The following TPP2 variants were observed in gnomAD, a reference collection of about 807,000 sequenced individuals.
The protein encoded by TPP2 is tripeptidyl peptidase 2.
A neutral mutation model predicts 155.9 loss-of-function variants in TPP2; 34 were observed. The ratio of observed to expected loss-of-function variants is 0.22; its 90% CI spans 0.17 to 0.29. The LOEUF (loss-of-function observed/expected upper bound fraction) is 0.29. TPP2 is among the 10% of genes least tolerant of loss of function. The pLI is 1.00. For missense variants in TPP2, 1,028 were observed against 1,522.3 expected, an observed-to-expected ratio of 0.68 and a Z score of 5.40; for synonymous variants, 510 against 529.4, an observed-to-expected ratio of 0.96 and a Z score of 0.50.
Position 102,649,021 on chromosome 13 carries a change from T to C in TPP2, c.2743T>C (p.Ser915Pro), listed in dbSNP as rs781324198. The C allele has an allele frequency of 4.3e-6, 7 of 1,613,948 alleles. No individual in the cohort carries two copies. In the South Asian group the frequency reaches 7.7e-5, roughly 18 times the overall value. The change falls in exon 22 of 30, where the codon TCT becomes CCT. Residue 915 changes from serine (S) to proline (P), a missense_variant. Coordinates refer to ENST00000376052, the MANE Select transcript of TPP2 (RefSeq NM_001330588.2). Reference protein sequence around the residue: ...DLPFIVSHRLSNTLSLDIHEN... With the variant: ...DLPFIVSHRLPNTLSLDIHEN... ...TCCATTTATTGTTTCTCATAGATTG[T>C]CTAATACCTTGAGCTTAGATATTCA... is the stretch of plus-strand genomic sequence containing the variant.
At chr13:102,652,519 A>T (rs1883588794) in intron 24 of TPP2, among the ~76,000 whole-genome samples, 1 of 147,606 alleles carries the variant, frequency 6.8e-6, no homozygotes, top group African/African-American at 2.5e-5. Flanking sequence ...CATTTTCATG[A>T]TTTCTTTTTA....
At chr13:102,678,154 AATTT>A (rs1201769809) in intron 29 of TPP2, 69 bp from the exon 30 acceptor site, 5 of 1,408,194 alleles carry the variant, frequency 3.6e-6, no homozygotes, top group Admixed American at 3.9e-5. Context: ...TTTAATACAG[AATTT>A]ATTCTAAATA....
intron 13 of TPP2, 50 bp from the exon 14 acceptor site, chr13:102,637,031 GA>G: frequency 1.3e-6 from 2 of 1,530,386 alleles, no homozygotes; most frequent in South Asian, 1.3e-5. Context: ...TTTTTAAATG[GA>G]AAAAAGGAAA....
intron 16 of TPP2, among the ~76,000 whole-genome samples, chr13:102,640,996 T>A (rs1011169464): frequency 4.6e-5 from 7 of 152,190 alleles, no homozygotes; most frequent in Non-Finnish European, 8.8e-5. Flanking sequence ...CAGCTGTTGC[T>A]TAAACCTCAA....
chr13:102,604,697 T>G, intron 1 of TPP2, 96 bp from the exon 2 acceptor site: 1 of 1,348,746 alleles, frequency 7.4e-7, no homozygotes, highest in Non-Finnish European at 1.0e-6. Context: ...TGAATGTAGA[T>G]TTTGTATATA....
At chr13:102,668,104 C>A (rs1247572575) in intron 27 of TPP2, among the ~76,000 whole-genome samples, 2 of 152,166 alleles carry the variant, frequency 1.3e-5, no homozygotes, top group Non-Finnish European at 2.9e-5. Flanking sequence ...CAGGAGTAGT[C>A]AAATTTGTCT....
chr13:102,663,782 G>T, intron 26 of TPP2, 38 bp downstream of exon 26: 3 of 1,468,848 alleles, frequency 2.0e-6, no homozygotes, highest in East Asian at 4.9e-5. Context: ...TATTTTGTTT[G>T]TAATTATATA....
At chr13:102,631,016 C>T (rs1025465089) in intron 10 of TPP2, among the ~76,000 whole-genome samples, 9 of 152,060 alleles carry the variant, frequency 5.9e-5, no homozygotes, top group African/African-American at 1.7e-4. Flanking sequence ...ATGGAGAAGA[C>T]GGTATTGAAG....
At chr13:102,610,768 A>G (rs1880242246) in intron 2 of TPP2, among the ~76,000 whole-genome samples, 1 of 152,204 alleles carries the variant, frequency 6.6e-6, no homozygotes, top group Admixed American at 6.5e-5. Context: ...AAGTGAATAG[A>G]ACTTTAAAAC....
At chr13:102,648,865 G>T in intron 21 of TPP2, 42 bp from the exon 22 acceptor site, 1 of 1,548,420 alleles carries the variant, frequency 6.5e-7, no homozygotes, top group Non-Finnish European at 8.7e-7. Context: ...CCGTTGACTT[G>T]GTTAAACTTA....
intron 3 of TPP2, among the ~76,000 whole-genome samples, chr13:102,615,424 A>G (rs1880644514): frequency 6.6e-6 from 1 of 152,198 alleles, no homozygotes; most frequent in Admixed American, 6.5e-5. Flanking sequence ...TGCTGGGACT[A>G]CAGGTGTGAA....
At chr13:102,625,364 C>T (rs1160765904) in intron 6 of TPP2, among the ~76,000 whole-genome samples, 1 of 151,512 alleles carries the variant, frequency 6.6e-6, no homozygotes, top group Non-Finnish European at 1.5e-5. Flanking sequence ...CGGGGTTTCA[C>T]CGTGTTAGCC....
chr13:102,632,429 A>C (rs992611965), intron 10 of TPP2, among the ~76,000 whole-genome samples: 16 of 151,846 alleles, frequency 1.1e-4, no homozygotes, highest in African/African-American at 3.9e-4. Context: ...TTTAGTAGAG[A>C]TGGGGTTTCA....
chr13:102,644,851 C>G, intron 18 of TPP2, 58 bp from the exon 19 acceptor site: 1 of 1,574,584 alleles, frequency 6.4e-7, no homozygotes, highest in Non-Finnish European at 8.7e-7. Context: ...ATTTTAGGTA[C>G]AAAATATTGC....
rs188321157 is a variant in TPP2, at chr13:102,667,467, G to A, written c.3371+2542G>A. Among the ~76,000 whole-genome samples the A allele has an allele frequency of 2.0e-5, 3 of 152,240 alleles. No homozygotes were observed. The East Asian group carries it at 5.8e-4, about 29-fold the overall frequency. On this transcript the variant is annotated intron_variant, in intron 27 of 29. Coordinates refer to ENST00000376052, the MANE Select transcript of TPP2 (RefSeq NM_001330588.2). ...ATCATCTAATATAGAAGATGAAATT[G>A]CCAGATAGGAAATTATTAAGAGATA...
chr13:102,666,228 A>C (rs1049685986), intron 27 of TPP2, among the ~76,000 whole-genome samples: 1 of 152,238 alleles, frequency 6.6e-6, no homozygotes, highest in African/African-American at 2.4e-5. Context: ...CCCAGGTGCC[A>C]CTGCTAGGAA....
rs1881654031 is a variant in TPP2 at position 102,626,774 on chromosome 13, G to T, written c.785-238G>T. On this transcript the variant is annotated intron_variant, in intron 6 of 29. Coordinates refer to ENST00000376052, the MANE Select transcript of TPP2 (RefSeq NM_001330588.2). ...TGCTTTTTCAAATGTTTGAAGGGGG[G>T]ATTCTCCCTTTTTTTATTGTGAATT... 3 of 303,482 alleles carry T rather than the reference G, an allele frequency of 9.9e-6. No individual in the cohort carries two copies. The South Asian group carries it at 4.8e-4, about 48-fold the overall frequency. The allele number at this position is 303,482 out of a possible 1,614,324, so 18.8% of individuals were successfully genotyped here.
intron 2 of TPP2, among the ~76,000 whole-genome samples, chr13:102,611,615 C>T (rs1043750253): frequency 2.6e-5 from 4 of 152,100 alleles, no homozygotes; most frequent in African/African-American, 9.7e-5. Context: ...GCCAATATGG[C>T]GCCACTGCAC....
At chr13:102,676,440 G>A (rs765154868) in intron 29 of TPP2, 25 bp downstream of exon 29, 1 of 1,602,992 alleles carries the variant, frequency 6.2e-7, no homozygotes, top group Non-Finnish European at 8.5e-7. Context: ...AAATGTCACT[G>A]TTAAGCATCA....
Sources: gnomAD v4.1 joint callset for allele counts (sites outside exome capture counted in the v4.1 genomes callset) on GRCh38, gnomAD v4.1.1 for gene constraint, MANE v1.5 for transcripts, NCBI Gene and HGNC (gene_info 2026-07-23, HGNC 2026-07-21) for gene names.